TTC17: variants seen among roughly 807,000 people sequenced by gnomAD.
TTC17 encodes tetratricopeptide repeat domain 17.
TTC17 carries 58 observed loss-of-function variants against 143.8 expected under a neutral mutation model. The ratio of observed to expected loss-of-function variants is 0.40; its 90% confidence interval spans 0.33 to 0.50. TTC17 has a LOEUF of 0.50. Among genes scored for constraint, TTC17 ranks in the 20% least tolerant of loss-of-function variants. The probability of loss-of-function intolerance (pLI) is 0.49; values close to 1 mark genes in which losing one functional copy is unlikely to be tolerated. For missense variants in TTC17, 1,273 were observed against 1,392.5 expected (o/e 0.91, Z 1.37); for synonymous variants, 501 against 497.8 (o/e 1.01, Z -0.09).
chr11:43,377,785 A>G (rs968565437), intron 1 of TTC17, among the ~76,000 whole-genome samples: 2 of 152,206 alleles, frequency 1.3e-5, no homozygotes, highest in Non-Finnish European at 2.9e-5. Flanking sequence ...ATCTAAAGCT[A>G]AGATTATGCT....
chr11:43,373,932 T>A (rs1565131289), intron 1 of TTC17, among the ~76,000 whole-genome samples: 1 of 152,216 alleles, frequency 6.6e-6, no homozygotes, highest in African/African-American at 2.4e-5. Flanking sequence ...CATAGACTGG[T>A]CAGATGCATA....
intron 1 of TTC17, among the ~76,000 whole-genome samples, chr11:43,366,611 C>G (rs4132524): frequency 6.6e-6 from 1 of 152,132 alleles, no homozygotes; most frequent in Admixed American, 6.5e-5. Context: ...CCCTCCACCT[C>G]TATGCACTCT....
intron 21 of TTC17, among the ~76,000 whole-genome samples, chr11:43,454,748 T>TA (rs1178624544): frequency 6.6e-6 from 1 of 152,042 alleles, no homozygotes; most frequent in Non-Finnish European, 1.5e-5. Flanking sequence ...TTTAAAATGC[T>TA]AAAGACTACA....
chr11:43,377,812 A>G (rs770055585), intron 1 of TTC17, among the ~76,000 whole-genome samples: 27 of 152,130 alleles, frequency 1.8e-4, no homozygotes, highest in African/African-American at 3.4e-4. Flanking sequence ...AGTTCTTTCA[A>G]TCTTCATTTA....
At chr11:43,381,322 TGAG>T (rs1856959982) in intron 2 of TTC17, among the ~76,000 whole-genome samples, 1 of 152,056 alleles carries the variant, frequency 6.6e-6, no homozygotes, top group South Asian at 2.1e-4. Flanking sequence ...AAACCAGAAA[TGAG>T]GAGAAGCACT....
chr11:43,449,518 A>G (rs1947616273), intron 19 of TTC17: 1 of 152,308 alleles, frequency 6.6e-6, no homozygotes, highest in Admixed American at 6.5e-5. Context: ...CACTCACAAG[A>G]GAATGAACAT....
At chr11:43,409,259 A>G (rs1807924402) in intron 15 of TTC17, among the ~76,000 whole-genome samples, 1 of 152,156 alleles carries the variant, frequency 6.6e-6, no homozygotes, top group Non-Finnish European at 1.5e-5. Context: ...GTTGCTGCAT[A>G]TTTAGGTTGC....
chr11:43,416,010 A>G (rs1397644393), intron 16 of TTC17, among the ~76,000 whole-genome samples: 1 of 152,128 alleles, frequency 6.6e-6, no homozygotes, highest in East Asian at 1.9e-4. Flanking sequence ...TTTTATATTT[A>G]TGGATACATA....
chr11:43,473,386 G>A (rs1948126526), intron 21 of TTC17, among the ~76,000 whole-genome samples: 1 of 152,142 alleles, frequency 6.6e-6, no homozygotes, highest in Non-Finnish European at 1.5e-5. Context: ...GGATATATTA[G>A]TTTAAAACAG....
Position 43,398,103 on chromosome 11 carries a change from G to T in TTC17, c.1048G>T (p.Ala350Ser), listed in dbSNP as rs144941992. The change falls in exon 8 of 24, where the codon GCT becomes TCT. Residue 350 changes from alanine to serine, a missense_variant. Coordinates refer to ENST00000039989, the MANE Select transcript of TTC17 (RefSeq NM_018259.6). Reference sequence around the variant, plus strand: ...GCAAAAACTGGAGCAGAAATTGGAGGCTCAGCATAGGTAATTGAGAGGAAA... The same window carrying T: ...GCAAAAACTGGAGCAGAAATTGGAGTCTCAGCATAGGTAATTGAGAGGAAA... ...CQQKLEQKLE[A>S]QHRSLQRTLN... is the part of the protein sequence containing the mutation. 1 of 1,613,880 alleles carries T rather than the reference G, an allele frequency of 6.2e-7. No individual in the cohort carries two copies. Among genetic ancestry groups the T allele is most frequent in the African/African-American group, 1.3e-5 (1 of 74,884 alleles).
At chr11:43,364,266 A>G (rs1345489453) in intron 1 of TTC17, among the ~76,000 whole-genome samples, 4 of 151,980 alleles carry the variant, frequency 2.6e-5, no homozygotes, top group Admixed American at 6.6e-5. Context: ...CATGTCGGCC[A>G]GGCTGGTCTT....
chr11:43,397,944 GTGTGTGT>G, intron 7 of TTC17, 23 bp from the exon 8 acceptor site: 1 of 1,394,294 alleles, frequency 7.2e-7, no homozygotes, highest in East Asian at 2.3e-5. Context: ...GTGTGTGTGT[GTGTGTGT>G]ATGTTTGTTT....
At chr11:43,443,979 C>T in intron 17 of TTC17, 77 bp from the exon 18 acceptor site, 1 of 1,476,368 alleles carries the variant, frequency 6.8e-7, no homozygotes, top group South Asian at 1.4e-5. Flanking sequence ...CTTGGTTATT[C>T]TTAAACTAGT....
Position 43,389,711 on chromosome 11 carries a change from G to C in TTC17, c.309G>C (p.Leu103=). 1 of 1,613,786 alleles carries C rather than the reference G, an allele frequency of 6.2e-7. No homozygotes were observed. Among genetic ancestry groups the C allele is most frequent in the Non-Finnish European group, 8.5e-7 (1 of 1,179,792 alleles). ...AGAATGAGGACAGAGACACAGGACT[G>C]GAACAGAGACATAATAAAGAAGACC... The part of the protein sequence containing the change: ...IEENEDRDTG[L]EQRHNKEDPD... Residue 103 remains leucine, a synonymous_variant, in exon 3 of 24, where the codon CTG becomes CTC. Transcript: ENST00000039989.
At chr11:43,460,181 G>GT (rs1947839543) in intron 21 of TTC17, among the ~76,000 whole-genome samples, 1 of 151,840 alleles carries the variant, frequency 6.6e-6, no homozygotes, top group Admixed American at 6.6e-5. Flanking sequence ...AACCCTGCAA[G>GT]TCCCAGGTTG....
intron 9 of TTC17, among the ~76,000 whole-genome samples, chr11:43,400,989 T>C (rs1052757754): frequency 5.3e-5 from 8 of 152,248 alleles, no homozygotes; most frequent in African/African-American, 1.9e-4. Context: ...ACAATTCCCT[T>C]AACAAGTTTT....
rs546660250 is a variant in TTC17, at chr11:43,364,503, T to C, written c.159+5390T>C. Among the ~76,000 whole-genome samples the C allele has an allele frequency of 5.3e-5, 8 of 152,342 alleles. No homozygotes were observed. In the South Asian group the frequency reaches 1.7e-3, roughly 32 times the overall value. On this transcript the variant is annotated intron_variant, in intron 1 of 23. Transcript: ENST00000039989. Reference sequence around the variant, plus strand: ...AAAAGTAACTCATCTTTTTTTGTCATAAAGGACTGTTTCTATGTTTATACA... The same window carrying C: ...AAAAGTAACTCATCTTTTTTTGTCACAAAGGACTGTTTCTATGTTTATACA...
rs114647381 is a variant in TTC17 at position 43,405,011 on chromosome 11, A to G, written c.1480-503A>G. Among the ~76,000 whole-genome samples the G allele has an allele frequency of 7.5e-3, 1,144 of 152,220 alleles. 15 individuals are homozygous for G. The highest frequency in any genetic ancestry group is 0.026 in the African/African-American group (1,080 of 41,544). ...ACAAAGAAAATGTGCCTGTTACTAC[A>G]GGAAGTCCAGAAATAGGATAAACTT... On this transcript the variant is annotated intron_variant, in intron 11 of 23. Transcript: ENST00000039989.
chr11:43,476,376 A>G (rs1220531325), intron 21 of TTC17, among the ~76,000 whole-genome samples: 1 of 152,258 alleles, frequency 6.6e-6, no homozygotes, highest in African/African-American at 2.4e-5. Flanking sequence ...TGCATCACCT[A>G]CAATTAAACT....
Sources: allele counts gnomAD v4.1 joint callset (sites outside exome capture counted in the v4.1 genomes callset), GRCh38; gene constraint gnomAD v4.1.1; transcripts MANE v1.5; gene names NCBI Gene and HGNC (gene_info 2026-07-23, HGNC 2026-07-21).